NRP1: variants seen among roughly 807,000 people sequenced by gnomAD.
NRP1 encodes the protein neuropilin 1.
Under a neutral mutation model 106.7 loss-of-function variants are expected in NRP1, and 35 were observed. The observed-to-expected ratio is 0.33, with a 90% confidence interval of 0.25 to 0.43. NRP1 has a LOEUF of 0.43. Ranked by LOEUF, NRP1 falls within the 20% of genes least tolerant of loss-of-function variation. The pLI, the probability that NRP1 is intolerant of heterozygous loss-of-function variation, is 1.00. For synonymous variants in NRP1, 437 were observed against 417.9 expected, an observed-to-expected ratio of 1.05 and a Z score of -0.56; for missense variants, 1,024 against 1,170.4, an observed-to-expected ratio of 0.87 and a Z score of 1.83.
chr10:33,333,894 C>T (rs1564499480), intron 1 of NRP1, among the ~76,000 whole-genome samples: 1 of 152,156 alleles, frequency 6.6e-6, no homozygotes, highest in Non-Finnish European at 1.5e-5. Flanking sequence ...GAGGAAACGG[C>T]TTAGGGGAGC....
At chr10:33,257,510 G>A (rs370306232) in intron 4 of NRP1, among the ~76,000 whole-genome samples, 76 of 152,278 alleles carry the variant, frequency 5.0e-4, no homozygotes, top group African/African-American at 1.8e-3. Flanking sequence ...GGTGGGCAGT[G>A]CCTGTAATCC....
At chr10:33,218,483 C>T (rs1397908138) in intron 8 of NRP1, among the ~76,000 whole-genome samples, 3 of 151,750 alleles carry the variant, frequency 2.0e-5, no homozygotes, top group Non-Finnish European at 4.4e-5. Flanking sequence ...GTAGCTGGGA[C>T]TACAAGTGCA....
chr10:33,292,739 G>A (rs2132640297), intron 2 of NRP1, among the ~76,000 whole-genome samples: 2 of 152,310 alleles, frequency 1.3e-5, no homozygotes, highest in South Asian at 4.1e-4. Flanking sequence ...TGTAATCCCA[G>A]CACTTTGGGA....
intron 2 of NRP1, among the ~76,000 whole-genome samples, chr10:33,307,395 G>T (rs1281578622): frequency 6.6e-6 from 1 of 152,036 alleles, no homozygotes; most frequent in Non-Finnish European, 1.5e-5. Context: ...TGAGATTGAG[G>T]CTGTCTTGCA....
At chr10:33,295,556 T>C (rs1229849842) in intron 2 of NRP1, among the ~76,000 whole-genome samples, 1 of 152,062 alleles carries the variant, frequency 6.6e-6, no homozygotes, top group Non-Finnish European at 1.5e-5. Flanking sequence ...AAACAATTTT[T>C]AAGTTAGTCA....
In NRP1 at chr10:33,254,085, C is replaced by T. The variant is rs1301669991; in HGVS notation, c.924G>A (p.Leu308=). 1.2e-6 allele frequency: 2 copies of T among 1,614,000 alleles called. No individual in the cohort carries two copies. The highest frequency in any genetic ancestry group is 4.5e-5 in the East Asian group (2 of 44,858). Residue 308 remains leucine (L), a synonymous_variant, in exon 6 of 17, where the codon CTG becomes CTA. Coordinates refer to ENST00000374867, the MANE Select transcript of NRP1 (RefSeq NM_003873.7). The part of the protein sequence containing the change: ...STNWSAERSR[L]NYPENGWTPG... ...GAGTCCACCCATTCTCAGGGTAGTT[C>T]AGGCGGGAGCGCTCTGCAGACCAGT...
In NRP1 at chr10:33,179,837, C is replaced by A. The variant is rs983562698; in HGVS notation, c.*239G>T. The A allele has an allele frequency of 2.1e-5, 11 of 531,980 alleles. No homozygotes were observed. Among genetic ancestry groups the A allele is most frequent in the African/African-American group, 1.9e-4 (10 of 52,586 alleles). 33.0% of individuals were successfully genotyped at this position (531,980 alleles called of 1,614,324 possible). A position where few individuals can be genotyped will look rare whatever the true frequency, so the allele number is the denominator to read the frequency against. ...TGTCAATCATACTTGGTCTCAACAC[C>A]AGCATCTGATTATTCAAATGAAACC... On this transcript the variant is annotated 3_prime_UTR_variant, in exon 17 of 17. Transcript: ENST00000374867.
intron 2 of NRP1, among the ~76,000 whole-genome samples, chr10:33,311,321 A>G (rs1204311574): frequency 6.6e-6 from 1 of 152,142 alleles, no homozygotes; most frequent in African/African-American, 2.4e-5. Flanking sequence ...TGTTTTTTAT[A>G]TGCGTCTTGT....
At chr10:33,207,828 C>T in intron 9 of NRP1, 112 bp from the exon 10 acceptor site, 1 of 1,069,072 alleles carries the variant, frequency 9.4e-7, no homozygotes, top group East Asian at 2.5e-5. Flanking sequence ...AAATTGGCTT[C>T]ATTCTACCAC....
intron 11 of NRP1, among the ~76,000 whole-genome samples, chr10:33,200,574 C>A (rs1165948447): frequency 6.6e-6 from 1 of 152,170 alleles, no homozygotes; most frequent in Non-Finnish European, 1.5e-5. Flanking sequence ...TCCCAATTTC[C>A]ATGTTCTACC....
At chr10:33,261,596 A>G (rs1359031579) in intron 4 of NRP1, among the ~76,000 whole-genome samples, 1 of 152,132 alleles carries the variant, frequency 6.6e-6, no homozygotes, top group Non-Finnish European at 1.5e-5. Context: ...ATGTTAACTC[A>G]CCCATTTATT....
At chr10:33,321,348 G>C (rs1049008709) in intron 2 of NRP1, among the ~76,000 whole-genome samples, 1 of 152,072 alleles carries the variant, frequency 6.6e-6, no homozygotes, top group Non-Finnish European at 1.5e-5. Context: ...ACAAACAAAT[G>C]CCCACTTTTT....
At chr10:33,218,908 C>G (rs566862239) in intron 8 of NRP1, among the ~76,000 whole-genome samples, 2 of 152,260 alleles carry the variant, frequency 1.3e-5, no homozygotes, top group African/African-American at 4.8e-5. Context: ...TCCAGGCATA[C>G]AGGACACAAC....
chr10:33,281,410 G>A (rs967729420), intron 2 of NRP1, among the ~76,000 whole-genome samples: 3 of 152,134 alleles, frequency 2.0e-5, no homozygotes, highest in Non-Finnish European at 4.4e-5. Context: ...GCAGAGAGAA[G>A]GTTGAGGCCA....
Position 33,289,953 on chromosome 10 carries a change from T to C in NRP1, c.249-19097A>G, listed in dbSNP as rs118043275. On this transcript the variant is annotated intron_variant, in intron 2 of 16. Coordinates refer to ENST00000374867, the MANE Select transcript of NRP1 (RefSeq NM_003873.7). Reference sequence around the variant, plus strand: ...CATTTGAATTTCAAATTCTTATCTATAAATGCTTTTCACCCCCACTTTAAA... The same window carrying C: ...CATTTGAATTTCAAATTCTTATCTACAAATGCTTTTCACCCCCACTTTAAA... Among the ~76,000 whole-genome samples the C allele has an allele frequency of 4.0e-4, 61 of 152,350 alleles. No homozygotes were observed. The East Asian group carries it at 0.012, about 29-fold the overall frequency.
At chr10:33,239,107 C>G (rs1588813753) in intron 6 of NRP1, among the ~76,000 whole-genome samples, 1 of 151,932 alleles carries the variant, frequency 6.6e-6, no homozygotes, top group East Asian at 1.9e-4. Context: ...CCTGGGCAAC[C>G]TGGTGAGACC....
At chr10:33,237,898 C>T (rs539070537) in intron 6 of NRP1, among the ~76,000 whole-genome samples, 44 of 152,166 alleles carry the variant, frequency 2.9e-4, no homozygotes, top group South Asian at 1.9e-3. Flanking sequence ...AAAATTCCTT[C>T]GGAGAGCAAA....
chr10:33,256,344 G>A lies in NRP1; in HGVS notation c.786C>T (p.Tyr262=). The A allele has an allele frequency of 6.2e-7, 1 of 1,614,178 alleles. No individual in the cohort carries two copies. Among genetic ancestry groups the A allele is most frequent in the Non-Finnish European group, 8.5e-7 (1 of 1,180,020 alleles). ...AIAKEGFSAN[Y]SVLQSSVSED... is the part of the protein sequence containing the mutation. The stretch of plus-strand genomic sequence containing the variant: ...CTGAGACACTGCTCTGCAAGACACT[G>A]TAGTTTGCTGAGAAACCTTCTTTTG... Residue 262 remains tyrosine (Y), a synonymous_variant, in exon 5 of 17, where the codon TAC becomes TAT. Coordinates refer to ENST00000374867, the MANE Select transcript of NRP1 (RefSeq NM_003873.7).
intron 2 of NRP1, among the ~76,000 whole-genome samples, chr10:33,326,027 T>C (rs1847868735): frequency 6.6e-6 from 1 of 152,174 alleles, no homozygotes; most frequent in African/African-American, 2.4e-5. Flanking sequence ...TTCATTTCCT[T>C]AATGTTTTTA....
Sources: gnomAD v4.1 joint callset for allele counts (sites outside exome capture counted in the v4.1 genomes callset) on GRCh38, gnomAD v4.1.1 for gene constraint, MANE v1.5 for transcripts, NCBI Gene and HGNC (gene_info 2026-07-23, HGNC 2026-07-21) for gene names.